LRP2: variants seen among roughly 807,000 people sequenced by gnomAD.
LRP2 encodes low-density lipoprotein receptor-related protein 2.
LRP2 carries 172 observed loss-of-function variants against 531.0 expected under a neutral mutation model. The ratio of observed to expected loss-of-function variants is 0.32; its 90% CI spans 0.29 to 0.37. LRP2 has a LOEUF of 0.37. Among genes scored for constraint, LRP2 ranks in the 10% least tolerant of loss-of-function variants. The pLI is 1.00. For synonymous variants in LRP2, 1,992 were observed against 2,027.6 expected (o/e 0.98, Z 0.47); for missense variants, 5,167 against 5,868.3 (o/e 0.88, Z 3.90).
Position 169,350,959 on chromosome 2 carries a change from A to T in LRP2, c.79+11362T>A, listed in dbSNP as rs74527690. ...ACCACTCCCTGCTTCAAAGAGGGCC[A>T]TGAGACAGGATGAGGCCACCAAGGA... On this transcript the variant is annotated intron_variant, in intron 1 of 78. Transcript: ENST00000649046. 5.6e-3 allele frequency among the ~76,000 whole-genome samples: 852 copies of T among 152,258 alleles called. 6 individuals are homozygous for T. The highest frequency in any genetic ancestry group is 0.02 in the African/African-American group (819 of 41,548).
intron 5 of LRP2, 71 bp from the exon 6 acceptor site, chr2:169,294,332 G>T: frequency 1.1e-6 from 1 of 932,740 alleles, no homozygotes; most frequent in South Asian, 1.3e-5. Flanking sequence ...AATCTCAAAG[G>T]AAGAGCATCT....
intron 52 of LRP2, 66 bp from the exon 53 acceptor site, chr2:169,178,092 T>C: frequency 8.5e-7 from 1 of 1,174,218 alleles, no homozygotes; most frequent in Non-Finnish European, 1.3e-6. Flanking sequence ...TCTTGCAGGA[T>C]AAAAGAATTC....
intron 3 of LRP2, among the ~76,000 whole-genome samples, chr2:169,317,882 G>T (rs1319313685): frequency 2.0e-5 from 3 of 152,082 alleles, no homozygotes; most frequent in African/African-American, 7.2e-5. Flanking sequence ...TTCCAGACCA[G>T]CCTGGGAAAC....
chr2:169,345,233 C>T (rs1242865871), intron 1 of LRP2, among the ~76,000 whole-genome samples: 6 of 152,102 alleles, frequency 3.9e-5, no homozygotes, highest in Non-Finnish European at 8.8e-5. Flanking sequence ...GTTTTCTTTA[C>T]GGATTCCAAT....
chr2:169,146,742 C>G lies in LRP2; in HGVS notation c.12808G>C (p.Glu4270Gln). The G allele has an allele frequency of 6.2e-7, 1 of 1,609,390 alleles. No homozygotes were observed. Among genetic ancestry groups the G allele is most frequent in the East Asian group, 2.2e-5 (1 of 44,874 alleles). Residue 4270 changes from glutamate (E) to glutamine (Q), a missense_variant, in exon 69 of 79, where the codon GAA becomes CAA. By Grantham distance (29) the Glu-to-Gln change is conservative. This residue lies in a region of LRP2 where 564 missense variants were observed against 747.7 expected (regional missense o/e 0.75). Transcript: ENST00000649046. Reference sequence around the variant, plus strand: ...TACTTTCTAACTAATTTCTAACCTTCCTTTGCAATGACTCTCCTATCAGTC... The same window carrying G: ...TACTTTCTAACTAATTTCTAACCTTGCTTTGCAATGACTCTCCTATCAGTC... Reference protein sequence around the residue: ...DGTDRRVIAKEAMNPYSLDIF... With the variant: ...DGTDRRVIAKQAMNPYSLDIF...
intron 3 of LRP2, among the ~76,000 whole-genome samples, chr2:169,309,361 G>C (rs1040967298): frequency 6.6e-6 from 1 of 151,890 alleles, no homozygotes; most frequent in African/African-American, 2.4e-5. Flanking sequence ...TTTTAGGTCT[G>C]ACATTTAAGT....
chr2:169,261,999 G>T (rs1220071071), intron 16 of LRP2, among the ~76,000 whole-genome samples: 2 of 151,468 alleles, frequency 1.3e-5, no homozygotes, highest in South Asian at 2.1e-4. Context: ...AAAACCACAT[G>T]ATTATCTCAA....
chr2:169,320,718 T>A (rs950929984), intron 2 of LRP2, 59 bp downstream of exon 2: 1 of 1,366,912 alleles, frequency 7.3e-7, no homozygotes. Context: ...ACAGCTGAAA[T>A]CACCAGGAAG....
Position 169,172,084 on chromosome 2 carries a change from A to G in LRP2, c.11194T>C (p.Cys3732Arg). 4 of 1,614,186 alleles carry G rather than the reference A, an allele frequency of 2.5e-6. No homozygotes were observed. The highest frequency in any genetic ancestry group is 3.4e-6 in the Non-Finnish European group (4 of 1,180,014). ...VGDFRCKNHH[C>R]IPLRWQCDGQ... ...TCACACTGCCAACGAAGAGGGATGC[A>G]GTGGTGATTTTTACAGCGGAAATCC... Residue 3732 changes from cysteine to arginine, a missense_variant, in exon 58 of 79, where the codon TGC becomes CGC. Transcript: ENST00000649046.
intron 9 of LRP2, among the ~76,000 whole-genome samples, chr2:169,283,839 T>C (rs1437982144): frequency 6.6e-6 from 1 of 152,148 alleles, no homozygotes; most frequent in Non-Finnish European, 1.5e-5. Context: ...ATAGTTCCAA[T>C]ATAATTGACA....
At chr2:169,216,576 G>T (rs1559022434) in intron 34 of LRP2, 146 bp from the exon 35 acceptor site, 2 of 750,736 alleles carry the variant, frequency 2.7e-6, no homozygotes, top group South Asian at 1.7e-5. Context: ...TGCATACAAC[G>T]TGGAGGGGTA....
In LRP2 at chr2:169,338,032, G is replaced by A. The variant is rs530300905; in HGVS notation, c.80-17148C>T. ...TGAGGTGGGAGGATCGCTTGCGCCC[G>A]GGAGTTTGAAGCTACAGTGAGCTAT... is the stretch of plus-strand genomic sequence containing the variant. On this transcript the variant is annotated intron_variant, in intron 1 of 78. Transcript: ENST00000649046. Among the ~76,000 whole-genome samples, 8 of 151,918 alleles carry A rather than the reference G, an allele frequency of 5.3e-5. No individual in the cohort carries two copies. In the South Asian group the frequency reaches 1.5e-3, roughly 28 times the overall value.
Position 169,237,088 on chromosome 2 carries a change from A to G in LRP2, c.4691+15T>C. The stretch of plus-strand genomic sequence containing the variant: ...AACCATGTCAAGGCAACATAATTTT[A>G]AAAAAAAGTCTTACTTCATTCTGGG... On this transcript the variant is annotated intron_variant, in intron 28 of 78. Transcript: ENST00000649046. 2 of 1,596,496 alleles carry G rather than the reference A, an allele frequency of 1.3e-6. No individual in the cohort carries two copies. The highest frequency in any genetic ancestry group is 1.7e-6 in the Non-Finnish European group (2 of 1,164,464).
intron 1 of LRP2, among the ~76,000 whole-genome samples, chr2:169,360,246 A>C (rs1263037533): frequency 6.6e-6 from 1 of 152,102 alleles, no homozygotes; most frequent in African/African-American, 2.4e-5. Flanking sequence ...AGCAGTATGA[A>C]CTGAGACAAA....
chr2:169,347,811 G>A (rs1685735054), intron 1 of LRP2, among the ~76,000 whole-genome samples: 1 of 151,782 alleles, frequency 6.6e-6, no homozygotes, highest in African/African-American at 2.4e-5. Context: ...TGATAAGGCT[G>A]CAACATATAT....
Position 169,237,111 on chromosome 2 carries a change from G to A in LRP2, c.4683C>T (p.Pro1561=). The A allele has an allele frequency of 6.2e-7, 1 of 1,613,404 alleles. No individual in the cohort carries two copies. ...LTNPRGLALD[P]RMNEHLLFWS... ...TTAAAAAAAAGTCTTACTTCATTCTGGGATCTAATGCTAGTCCTCTTGGAT... is the reference window on the plus strand; with the variant it reads ...TTAAAAAAAAGTCTTACTTCATTCTAGGATCTAATGCTAGTCCTCTTGGAT... The change falls in exon 28 of 79, where the codon CCC becomes CCT. Residue 1561 remains proline (P), a synonymous_variant. Coordinates refer to ENST00000649046, the MANE Select transcript of LRP2 (RefSeq NM_004525.3).
At chr2:169,302,927 A>G (rs1684321441) in intron 4 of LRP2, among the ~76,000 whole-genome samples, 1 of 152,148 alleles carries the variant, frequency 6.6e-6, no homozygotes, top group African/African-American at 2.4e-5. Context: ...AACTGACTCA[A>G]TATCTGATTA....
At chr2:169,232,536 C>A (rs554978752) in intron 30 of LRP2, among the ~76,000 whole-genome samples, 2 of 151,912 alleles carry the variant, frequency 1.3e-5, no homozygotes, top group Non-Finnish European at 2.9e-5. Flanking sequence ...AAAGAAACAA[C>A]TAAACTCAGA....
intron 6 of LRP2, among the ~76,000 whole-genome samples, chr2:169,292,833 A>C (rs1243102642): frequency 5.1e-4 from 2 of 3,900 alleles, no homozygotes; most frequent in African/African-American, 1.9e-3. Flanking sequence ...ACCCTGTCTC[A>C]AAAAAAAAAA....
Sources: allele counts gnomAD v4.1 joint callset (sites outside exome capture counted in the v4.1 genomes callset), GRCh38; gene constraint gnomAD v4.1.1; regional missense constraint gnomAD v4.1.1; transcripts MANE v1.5; gene names NCBI Gene and HGNC (gene_info 2026-07-23, HGNC 2026-07-21).